The following TRHDE variants were observed in gnomAD, a reference collection of about 807,000 sequenced individuals.
TRHDE encodes the protein thyrotropin releasing hormone degrading enzyme.
TRHDE carries 72 observed loss-of-function variants against 125.7 expected under a neutral mutation model. The ratio of observed to expected loss-of-function variants is 0.57; its 90% CI spans 0.47 to 0.70. The LOEUF (loss-of-function observed/expected upper bound fraction) is 0.70, where lower values mean the gene tolerates loss of function less well. TRHDE is among the 30% of genes least tolerant of loss of function. The pLI is 0.00. For synonymous variants in TRHDE, 509 were observed against 509.1 expected, an observed-to-expected ratio of 1.00 and a Z score of 0.00; for missense variants, 1,110 against 1,327.1, an observed-to-expected ratio of 0.84 and a Z score of 2.54.
chr12:72,254,780 T>A (rs987794138), intron 2 of TRHDE: 4 of 152,186 alleles, frequency 2.6e-5, no homozygotes, highest in African/African-American at 9.7e-5. Flanking sequence ...TCTCACCCGT[T>A]ATAGGACAAG....
chr12:72,374,348 G>A (rs576604513), intron 2 of TRHDE, among the ~76,000 whole-genome samples: 1 of 146,368 alleles, frequency 6.8e-6, no homozygotes, highest in South Asian at 2.2e-4. Context: ...CAGGAGTTTG[G>A]TTTTAGACCT....
chr12:72,421,097 AC>A (rs996155273), intron 3 of TRHDE, among the ~76,000 whole-genome samples: 13 of 152,180 alleles, frequency 8.5e-5, no homozygotes, highest in Non-Finnish European at 1.8e-4. Flanking sequence ...CCAAATATGA[AC>A]TAGGTTGAAC....
At chr12:72,237,371 G>A in intron 2 of TRHDE, among the ~76,000 whole-genome samples, 1 of 152,196 alleles carries the variant, frequency 6.6e-6, no homozygotes, top group African/African-American at 2.4e-5. Flanking sequence ...GCTTATCAAA[G>A]TGCTGAATCA....
At position 72,563,015 on chromosome 12, in the gene TRHDE, A is replaced by G. The variant is rs1363426056; in HGVS notation, c.2017A>G (p.Lys673Glu). The G allele has an allele frequency of 1.2e-6, 2 of 1,600,388 alleles. No homozygotes were observed. Among genetic ancestry groups the G allele is most frequent in the Non-Finnish European group, 1.7e-6 (2 of 1,173,990 alleles). Residue 673 changes from lysine to glutamate, a missense_variant, in exon 9 of 19, where the codon AAA (lysine) becomes GAA (glutamate). Transcript: ENST00000261180. ...TATCTATGATATCAGTGCTAAAACT[A>G]AAGCACTTAAACTTCAGAATAACAG... Reference protein sequence around the residue: ...HFIYDISAKTKALKLQNNSYL... With the variant: ...HFIYDISAKTEALKLQNNSYL...
chr12:72,611,199 C>G (rs1370408869), intron 12 of TRHDE: 1 of 201,328 alleles, frequency 5.0e-6, no homozygotes, highest in Non-Finnish European at 1.1e-5. Context: ...CTGTGCTGAT[C>G]TGCAGGCCAA....
chr12:72,271,301 A>G (rs139813021), upstream of TRHDE, among the ~76,000 whole-genome samples: 2 of 152,304 alleles, frequency 1.3e-5, no homozygotes, highest in East Asian at 1.9e-4. Context: ...CAATTTACAT[A>G]CAATCCTCCA....
chr12:72,167,516 AC>A (rs1876778935), intron 2 of TRHDE: 1 of 152,142 alleles, frequency 6.6e-6, no homozygotes, highest in Non-Finnish European at 1.5e-5. Context: ...ACTTTTTCTG[AC>A]CAAATAATGA....
In TRHDE at chr12:72,273,110, CG is replaced by C; in HGVS notation, c.470del (p.Gly157ValfsTer34). ...GGCGGGGACTCCTGGCAGCCCGAGG[CG>C]GGTGGGGTGGCCAGTCCGGGGACCA... Reference protein sequence around the residue: ...HAGGDSWQPEAGGVASPGTTS... With the variant: ...HAGGDSWQPEXGGVASPGTTS... On this transcript the variant is annotated frameshift_variant, in exon 1 of 19. Coordinates refer to ENST00000261180, the MANE Select transcript of TRHDE (RefSeq NM_013381.3). LOFTEE classifies it high-confidence loss of function. The surrounding 1 kb of genome is among the most constrained non-coding windows in gnomAD (Gnocchi z 5.3). 6.6e-7 allele frequency: 1 copy of C among 1,522,944 alleles called. No homozygotes were observed. The highest frequency in any genetic ancestry group is 8.8e-7 in the Non-Finnish European group (1 of 1,135,284). 94.3% of individuals were successfully genotyped at this position (1,522,944 alleles called of 1,614,324 possible). A position where few individuals can be genotyped will look rare whatever the true frequency, so the allele number is the denominator to read the frequency against.
chr12:72,530,330 G>C lies in TRHDE; in HGVS notation c.1723-11961G>C, dbSNP rs141800173. Among the ~76,000 whole-genome samples, 155 of 149,842 alleles carry C rather than the reference G, an allele frequency of 1.0e-3. 1 individual carries two copies. Among genetic ancestry groups the C allele is most frequent in the African/African-American group, 3.7e-3 (152 of 40,696 alleles). On this transcript the variant is annotated intron_variant, in intron 6 of 18. Coordinates refer to ENST00000261180, the MANE Select transcript of TRHDE (RefSeq NM_013381.3). ...AATTCCATGTTGCAAAATCCAGTCT[G>C]CATGGTAGCTGACTTGCTTTCTTAA...
chr12:72,653,042 A>C lies in TRHDE; in HGVS notation c.2870A>C (p.Glu957Ala), dbSNP rs1565824418. Residue 957 changes from glutamate (E) to alanine (A), a missense_variant, in exon 17 of 19, where the codon GAG becomes GCG. Coordinates refer to ENST00000261180, the MANE Select transcript of TRHDE (RefSeq NM_013381.3). ...CTTCTAAATCTGTCACTGAATTCTG[A>C]GGTGGTGCTGGATCAAGATGCAATT... ...NRLLNLSLNS[E>A]VVLDQDAIDV... 1 of 1,607,164 alleles carries C rather than the reference A, an allele frequency of 6.2e-7. No individual in the cohort carries two copies. Among genetic ancestry groups the C allele is most frequent in the Admixed American group, 1.7e-5 (1 of 59,318 alleles).
At position 72,503,755 on chromosome 12, in the gene TRHDE, C is replaced by T. The variant is rs142286956; in HGVS notation, c.1722+4120C>T. Among the ~76,000 whole-genome samples, 803 of 152,268 alleles carry T rather than the reference C, an allele frequency of 5.3e-3. 4 individuals carry two copies. Among genetic ancestry groups the T allele is most frequent in the Middle Eastern group, 0.017 (5 of 294 alleles). On this transcript the variant is annotated intron_variant, in intron 6 of 18. Coordinates refer to ENST00000261180, the MANE Select transcript of TRHDE (RefSeq NM_013381.3). ...AAGATATGCTAAGACTCATCTCATA[C>T]GGGCCTCAATCTTGTGACCCTAATG...
chr12:72,226,804 C>T (rs1276805685), intron 2 of TRHDE, among the ~76,000 whole-genome samples: 5 of 152,160 alleles, frequency 3.3e-5, no homozygotes, highest in Admixed American at 1.3e-4. Flanking sequence ...TGAACTGGCA[C>T]ATGGCTGAGA....
chr12:72,564,872 T>C (rs1229877138), intron 9 of TRHDE, among the ~76,000 whole-genome samples: 1 of 151,792 alleles, frequency 6.6e-6, no homozygotes, highest in African/African-American at 2.4e-5. Flanking sequence ...TTCACCGTGT[T>C]AGCCAGGATC....
chr12:72,487,716 G>A (rs1447321444), intron 5 of TRHDE, among the ~76,000 whole-genome samples: 4 of 152,046 alleles, frequency 2.6e-5, no homozygotes, highest in Admixed American at 2.6e-4. Flanking sequence ...ACTGGTAGAG[G>A]TAAATGTATA....
At chr12:72,293,514 A>G (rs1410270849) in intron 2 of TRHDE, among the ~76,000 whole-genome samples, 2 of 152,160 alleles carry the variant, frequency 1.3e-5, no homozygotes, top group East Asian at 3.9e-4. Context: ...TACTGGGGAC[A>G]GGCTTCCTCT....
rs75495780 is a variant in TRHDE, at chr12:72,301,176, G to T, written c.1188+14222G>T. ...TGATGAAATGTAAATCTTTTAAATGGCAAGTCGGGCTGAAAGTTAGGTTAT... is the reference window on the plus strand; with the variant it reads ...TGATGAAATGTAAATCTTTTAAATGTCAAGTCGGGCTGAAAGTTAGGTTAT... On this transcript the variant is annotated intron_variant, in intron 2 of 18. Coordinates refer to ENST00000261180, the MANE Select transcript of TRHDE (RefSeq NM_013381.3). Among the ~76,000 whole-genome samples, 143 of 152,096 alleles carry T rather than the reference G, an allele frequency of 9.4e-4. 4 individuals carry two copies. In the East Asian group the frequency reaches 0.025, roughly 27 times the overall value.
chr12:72,292,844 AATC>A (rs1277457207), intron 2 of TRHDE, among the ~76,000 whole-genome samples: 1 of 152,236 alleles, frequency 6.6e-6, no homozygotes, highest in Non-Finnish European at 1.5e-5. Flanking sequence ...CTGAATAAGA[AATC>A]ATTTGAAAAT....
intron 3 of TRHDE, among the ~76,000 whole-genome samples, chr12:72,382,551 A>C (rs1872235141): frequency 6.6e-6 from 1 of 152,104 alleles, no homozygotes. Context: ...ATGTCCAGGG[A>C]GGTGTGGAAT....
At chr12:72,523,073 G>C (rs1868274654) in intron 6 of TRHDE, among the ~76,000 whole-genome samples, 1 of 151,916 alleles carries the variant, frequency 6.6e-6, no homozygotes, top group Non-Finnish European at 1.5e-5. Context: ...TCTTATCAGT[G>C]ACCCTGTTGT....
Sources: allele counts gnomAD v4.1 joint callset (sites outside exome capture counted in the v4.1 genomes callset), GRCh38; gene constraint gnomAD v4.1.1; non-coding constraint Gnocchi (gnomAD v3.1); transcripts MANE v1.5; gene names NCBI Gene and HGNC (gene_info 2026-07-23, HGNC 2026-07-21).